The following RUNX1 variants were observed in gnomAD, a reference collection of about 807,000 sequenced individuals.
The protein encoded by RUNX1 is runt-related transcription factor 1.
Under a neutral mutation model 42.8 loss-of-function variants are expected in RUNX1, and 19 were observed. The observed-to-expected ratio is 0.44, with a 90% CI of 0.31 to 0.65. The LOEUF is 0.65. Ranked by LOEUF, RUNX1 falls within the 30% of genes least tolerant of loss-of-function variation. The pLI, the probability that RUNX1 is intolerant of heterozygous loss-of-function variation, is 0.07. For synonymous variants in RUNX1, 271 were observed against 289.4 expected, an observed-to-expected ratio of 0.94 and a Z score of 0.64; for missense variants, 528 against 672.0, an observed-to-expected ratio of 0.79 and a Z score of 2.37.
At chr21:34,821,141 C>T (rs908480068) in intron 7 of RUNX1, 1 of 848,712 alleles carries the variant, frequency 1.2e-6, no homozygotes, top group Non-Finnish European at 1.4e-6. Context: ...ATACCTTTAT[C>T]CACTCTGGGG....
chr21:34,948,100 TG>T (rs527758797), intron 2 of RUNX1, among the ~76,000 whole-genome samples: 6,695 of 148,410 alleles, frequency 0.045, 467 homozygotes, highest in African/African-American at 0.16. Flanking sequence ...TTTTTTTTTT[TG>T]GGGGGGGGTT....
At chr21:34,884,518 A>G (rs2146389574) in intron 4 of RUNX1, among the ~76,000 whole-genome samples, 1 of 152,362 alleles carries the variant, frequency 6.6e-6, no homozygotes, top group South Asian at 2.1e-4. Context: ...TTTTAAAGTA[A>G]TAATTTCTGT....
intron 4 of RUNX1, among the ~76,000 whole-genome samples, chr21:34,885,816 A>G (rs976259651): frequency 6.6e-6 from 1 of 152,204 alleles, no homozygotes; most frequent in African/African-American, 2.4e-5. Context: ...TTAAACGAAC[A>G]GGAAATGACC....
chr21:34,807,070 C>G (rs1471208457), intron 7 of RUNX1, among the ~76,000 whole-genome samples: 1 of 151,840 alleles, frequency 6.6e-6, no homozygotes, highest in Non-Finnish European at 1.5e-5. Flanking sequence ...AATAGCAATA[C>G]AGACCTCAAG....
At chr21:34,969,051 T>A (rs1378431792) in intron 2 of RUNX1, among the ~76,000 whole-genome samples, 3 of 152,170 alleles carry the variant, frequency 2.0e-5, no homozygotes. Context: ...TCTCCTTCAG[T>A]GTGAAGAGGA....
At chr21:35,021,075 A>C (rs1456255358) in intron 2 of RUNX1, among the ~76,000 whole-genome samples, 1 of 152,182 alleles carries the variant, frequency 6.6e-6, no homozygotes, top group African/African-American at 2.4e-5. Flanking sequence ...GGCAGTGTCC[A>C]CCAGGGATAC....
intron 8 of RUNX1, among the ~76,000 whole-genome samples, chr21:34,797,090 C>T (rs1343800484): frequency 6.6e-6 from 1 of 152,248 alleles, no homozygotes; most frequent in Non-Finnish European, 1.5e-5. Flanking sequence ...TTTATGACAA[C>T]ACTTTTCAGG....
chr21:34,839,886 C>T (rs568837360), intron 6 of RUNX1, among the ~76,000 whole-genome samples: 18 of 152,242 alleles, frequency 1.2e-4, no homozygotes, highest in Admixed American at 4.6e-4. Context: ...GAGAAACACG[C>T]GAACTAAATA....
chr21:34,858,931 C>G (rs1274498143), intron 6 of RUNX1, among the ~76,000 whole-genome samples: 1 of 152,170 alleles, frequency 6.6e-6, no homozygotes, highest in Non-Finnish European at 1.5e-5. Context: ...TGGTTTTCCC[C>G]AGACATTCTT....
intron 7 of RUNX1, among the ~76,000 whole-genome samples, chr21:34,818,547 A>G (rs893296506): frequency 2.0e-5 from 3 of 152,018 alleles, no homozygotes; most frequent in Admixed American, 2.0e-4. Flanking sequence ...CAAGGCCCTC[A>G]TTGTCTCAGA....
chr21:34,910,294 G>A (rs1253687795), intron 2 of RUNX1, among the ~76,000 whole-genome samples: 2 of 152,120 alleles, frequency 1.3e-5, no homozygotes, highest in African/African-American at 4.8e-5. Context: ...CTCACTGGCT[G>A]GAGCACTCAG....
chr21:34,964,124 C>T (rs1031451037), intron 2 of RUNX1, among the ~76,000 whole-genome samples: 4 of 152,130 alleles, frequency 2.6e-5, no homozygotes, highest in African/African-American at 7.2e-5. Flanking sequence ...GAACAGAGAA[C>T]AACCAACAAA....
At chr21:34,820,269 TGAG>T (rs1397935163) in intron 7 of RUNX1, among the ~76,000 whole-genome samples, 1 of 152,068 alleles carries the variant, frequency 6.6e-6, no homozygotes, top group Admixed American at 6.5e-5. Context: ...GGCGTGGCTT[TGAG>T]GAGGATTTCC....
At chr21:34,863,259 A>G (rs2057602991) in intron 5 of RUNX1, among the ~76,000 whole-genome samples, 1 of 152,174 alleles carries the variant, frequency 6.6e-6, no homozygotes, top group South Asian at 2.1e-4. Context: ...CGCAAACCCA[A>G]TAGCACCAGT....
At chr21:34,960,491 T>C (rs982424945) in intron 2 of RUNX1, among the ~76,000 whole-genome samples, 3 of 152,240 alleles carry the variant, frequency 2.0e-5, no homozygotes, top group African/African-American at 4.8e-5. Flanking sequence ...TTTTGGAACA[T>C]ACTGCAATAA....
chr21:34,827,292 T>G (rs1461678362), intron 7 of RUNX1, among the ~76,000 whole-genome samples: 1 of 152,234 alleles, frequency 6.6e-6, no homozygotes, highest in Admixed American at 6.5e-5. Flanking sequence ...GGCTGCTGTG[T>G]GGCTACTTTT....
At chr21:34,972,761 C>A (rs1220530588) in intron 2 of RUNX1, among the ~76,000 whole-genome samples, 1 of 152,166 alleles carries the variant, frequency 6.6e-6, no homozygotes, top group East Asian at 1.9e-4. Context: ...TGGTGTGCAG[C>A]CTTCCATACA....
At position 34,792,753 on chromosome 21, in the gene RUNX1, C is replaced by A. The variant is rs1326010086; in HGVS notation, c.968-143G>T. 1.3e-6 allele frequency: 1 copy of A among 794,662 alleles called. No homozygotes were observed. The highest frequency in any genetic ancestry group is 1.8e-5 in the South Asian group (1 of 54,948). The allele number at this position is 794,662 out of a possible 1,614,324, so 49.2% of individuals were successfully genotyped here. A position where few individuals can be genotyped will look rare whatever the true frequency, so the allele number is the denominator to read the frequency against. ...CCCAGGATGCTACTGCTGGGGAGGA[C>A]GGGGACCACCCGGGATGCTACTCCC... On this transcript the variant is annotated intron_variant, in intron 8 of 8. Transcript: ENST00000675419. The surrounding 1 kb of genome is among the most constrained non-coding windows in gnomAD (Gnocchi z 6.9).
chr21:34,796,895 CA>C (rs2145897395), intron 8 of RUNX1, among the ~76,000 whole-genome samples: 1 of 152,216 alleles, frequency 6.6e-6, no homozygotes, highest in East Asian at 1.9e-4. Context: ...GAGAGACAGA[CA>C]GAGTCCAAGT....
Sources: gnomAD v4.1 joint callset for allele counts (sites outside exome capture counted in the v4.1 genomes callset) on GRCh38, gnomAD v4.1.1 for gene constraint, Gnocchi (gnomAD v3.1) non-coding constraint, MANE v1.5 for transcripts, NCBI Gene and HGNC (gene_info 2026-07-23, HGNC 2026-07-21) for gene names.